FCHO2: variants seen among roughly 807,000 people sequenced by gnomAD.
FCHO2 encodes F-BAR domain only protein 2.
A neutral mutation model predicts 114.1 loss-of-function variants in FCHO2; 43 were observed. That is an observed-to-expected ratio of 0.38 (90% confidence interval 0.30 to 0.49). The LOEUF (loss-of-function observed/expected upper bound fraction) is 0.49. FCHO2 is among the 20% of genes least tolerant of loss of function. FCHO2 has a pLI of 0.97. For missense variants in FCHO2, 807 were observed against 950.4 expected (o/e 0.85, Z 1.98); for synonymous variants, 293 against 315.2 (o/e 0.93, Z 0.75).
At chr5:73,010,108 C>T (rs1226848622) in intron 6 of FCHO2, among the ~76,000 whole-genome samples, 1 of 152,056 alleles carries the variant, frequency 6.6e-6, no homozygotes, top group African/African-American at 2.4e-5. Flanking sequence ...AACTGTTTTT[C>T]CAGGCCAGCT....
intron 8 of FCHO2, among the ~76,000 whole-genome samples, chr5:73,027,018 GTT>G (rs1369730233): frequency 1.4e-4 from 15 of 107,092 alleles, no homozygotes; most frequent in South Asian, 2.9e-4. Flanking sequence ...TTGTTTGTTT[GTT>G]TTTTTTTTTT....
intron 8 of FCHO2, among the ~76,000 whole-genome samples, chr5:73,019,412 C>T (rs1483320582): frequency 1.3e-5 from 2 of 152,030 alleles, no homozygotes; most frequent in Admixed American, 1.3e-4. Context: ...TTTGGTGGTG[C>T]ACATCTGTAA....
chr5:73,064,397 C>T (rs532416797), intron 18 of FCHO2, among the ~76,000 whole-genome samples: 6 of 151,984 alleles, frequency 3.9e-5, no homozygotes, highest in Non-Finnish European at 8.8e-5. Flanking sequence ...TATAAAAGTA[C>T]ATGCATGGGT....
chr5:73,079,008 C>G (rs1334185660), intron 22 of FCHO2, among the ~76,000 whole-genome samples: 1 of 152,146 alleles, frequency 6.6e-6, no homozygotes, highest in African/African-American at 2.4e-5. Context: ...TAATACTGAT[C>G]AGAAACCCAG....
intron 11 of FCHO2, among the ~76,000 whole-genome samples, chr5:73,048,870 C>CTTTTTTTT (rs764057424): frequency 2.8e-5 from 3 of 105,434 alleles, no homozygotes; most frequent in East Asian, 2.8e-4. Context: ...AATTTGCTAT[C>CTTTTTTTT]TTTTTTTTTT....
intron 1 of FCHO2, among the ~76,000 whole-genome samples, chr5:72,959,980 A>G (rs1022779755): frequency 9.2e-5 from 14 of 152,100 alleles, no homozygotes; most frequent in African/African-American, 3.4e-4. Flanking sequence ...AGATCTCGCT[A>G]TGTTGCCCAG....
At chr5:73,001,433 A>G (rs1356538854) in intron 5 of FCHO2, among the ~76,000 whole-genome samples, 1 of 137,194 alleles carries the variant, frequency 7.3e-6, no homozygotes, top group Non-Finnish European at 1.5e-5. Context: ...CAGATGACAG[A>G]GCGAGATCCT....
chr5:73,020,578 C>T, intron 8 of FCHO2: 1 of 654,858 alleles, frequency 1.5e-6, no homozygotes, highest in Non-Finnish European at 2.8e-6. Context: ...TGTCGTGCAA[C>T]AGCAGTAGTA....
chr5:72,999,886 G>A (rs1754337292), intron 5 of FCHO2, among the ~76,000 whole-genome samples: 1 of 152,192 alleles, frequency 6.6e-6, no homozygotes, highest in African/African-American at 2.4e-5. Flanking sequence ...CATAGGTAAT[G>A]TATTAAAGCC....
chr5:73,085,895 C>T (rs889110343), intron 24 of FCHO2, among the ~76,000 whole-genome samples: 6 of 151,670 alleles, frequency 4.0e-5, no homozygotes, highest in African/African-American at 4.8e-5. Context: ...GAGGCTGAGG[C>T]GGGTGGATCA....
intron 10 of FCHO2, among the ~76,000 whole-genome samples, chr5:73,038,667 A>G (rs2112804197): frequency 6.6e-6 from 1 of 152,292 alleles, no homozygotes; most frequent in East Asian, 1.9e-4. Flanking sequence ...TTCATTTTAA[A>G]TGACTCTCTT....
intron 8 of FCHO2, chr5:73,020,829 G>A (rs1406594323): frequency 4.4e-6 from 4 of 914,992 alleles, no homozygotes; most frequent in Admixed American, 1.7e-5. Context: ...CGATGCTGCC[G>A]AGCTGCTCAT....
intron 8 of FCHO2, among the ~76,000 whole-genome samples, chr5:73,029,960 T>TA (rs1261984715): frequency 6.6e-6 from 1 of 152,134 alleles, no homozygotes; most frequent in Non-Finnish European, 1.5e-5. Context: ...ATCAGGTACA[T>TA]ACAAGAATTA....
intron 11 of FCHO2, among the ~76,000 whole-genome samples, chr5:73,046,169 A>G (rs1757045009): frequency 6.6e-6 from 1 of 152,164 alleles, no homozygotes; most frequent in South Asian, 2.1e-4. Flanking sequence ...GGCTCAAGTG[A>G]TCCTTCCTGC....
At chr5:72,993,666 T>C (rs1417898749) in intron 5 of FCHO2, among the ~76,000 whole-genome samples, 1 of 152,190 alleles carries the variant, frequency 6.6e-6, no homozygotes, top group South Asian at 2.1e-4. Flanking sequence ...TTGAATTGCC[T>C]GTACAAACTT....
chr5:72,971,145 A>G lies in FCHO2; in HGVS notation c.125+2556A>G, dbSNP rs368619463. On this transcript the variant is annotated intron_variant, in intron 2 of 25. Transcript: ENST00000430046. ...TTCCAAGTCTTTGCTATTGTGAATA[A>G]TGCCGCAATAAACATACATATGCAT... 2.6e-5 allele frequency among the ~76,000 whole-genome samples: 4 copies of G among 152,192 alleles called. No individual in the cohort carries two copies. In the East Asian group the frequency reaches 7.7e-4, roughly 29 times the overall value.
intron 11 of FCHO2, among the ~76,000 whole-genome samples, chr5:73,044,296 G>A (rs1756953441): frequency 6.6e-6 from 1 of 152,138 alleles, no homozygotes; most frequent in Admixed American, 6.5e-5. Context: ...GGAGTGCAGT[G>A]GCAACGATCA....
intron 23 of FCHO2, 64 bp downstream of exon 23, chr5:73,082,046 C>A: frequency 7.5e-7 from 1 of 1,333,004 alleles, no homozygotes; most frequent in Non-Finnish European, 9.8e-7. Flanking sequence ...ACTTCTAGAA[C>A]CCAAGTTCTG....
chr5:73,055,143 A>G (rs964767506), intron 15 of FCHO2: 38 of 301,312 alleles, frequency 1.3e-4, no homozygotes, highest in African/African-American at 8.1e-4. Flanking sequence ...TAAATGAATA[A>G]TAAATACCAA....
Sources: gnomAD v4.1 joint callset for allele counts (sites outside exome capture counted in the v4.1 genomes callset) on GRCh38, gnomAD v4.1.1 for gene constraint, MANE v1.5 for transcripts, NCBI Gene and HGNC (gene_info 2026-07-23, HGNC 2026-07-21) for gene names.